Variants in UPF3B observed in about 807,000 individuals in gnomAD.
UPF3B encodes regulator of nonsense transcripts 3B.
Under a neutral mutation model 40.3 loss-of-function variants are expected in UPF3B, and 7 were observed. The observed-to-expected ratio is 0.17, with a 90% CI of 0.10 to 0.33. The LOEUF (loss-of-function observed/expected upper bound fraction) is 0.33, where lower values mean the gene tolerates loss of function less well. Among genes scored for constraint, UPF3B ranks in the 10% least tolerant of loss-of-function variants. UPF3B has a pLI of 1.00. For missense variants in UPF3B, 229 were observed against 358.9 expected (o/e 0.64, Z 2.93); for synonymous variants, 117 against 117.3 (o/e 1.00, Z 0.01).
chrX:119,852,681 T>C, intron 1 of UPF3B, 92 bp downstream of exon 1: 5 of 1,162,649 alleles, frequency 4.3e-6, no homozygotes, highest in Non-Finnish European at 5.8e-6. Flanking sequence ...AAGGAGAACC[T>C]GAGAAAGAAA....
At chrX:119,823,578 G>A (rs866170520) in intron 3 of UPF3B, among the ~76,000 whole-genome samples, 3 of 27,163 alleles carry the variant, frequency 1.1e-4, no homozygotes, top group African/African-American at 5.0e-4. Flanking sequence ...TTTTTTTTTT[G>A]TCTGAGACAG....
chrX:119,830,057 T>C, downstream of UPF3B, among the ~76,000 whole-genome samples: 1 of 111,878 alleles, frequency 8.9e-6, no homozygotes, highest in East Asian at 2.8e-4. Flanking sequence ...TGGTGGCTCT[T>C]CTACATGCCT....
chrX:119,810,311 C>T (rs750019648), intron 5 of UPF3B, among the ~76,000 whole-genome samples: 1 of 112,131 alleles, frequency 8.9e-6, no homozygotes, highest in African/African-American at 3.2e-5. Flanking sequence ...CAGTTTTTGC[C>T]ATTGAAAGAC....
chrX:119,834,439 T>C lies in UPF3B; in HGVS notation c.*439A>G, dbSNP rs17261236. On this transcript the variant is annotated 3_prime_UTR_variant, in exon 11 of 11. Coordinates refer to ENST00000276201, the MANE Select transcript of UPF3B (RefSeq NM_080632.3). ...CTACACTACCCAATGTCAACACTTA[T>C]CATCAACAATACAATAGAATTAGAT... 29,602 of 817,366 alleles carry C rather than the reference T, an allele frequency of 0.036. 417 individuals are homozygous for C. Among genetic ancestry groups the C allele is most frequent in the Non-Finnish European group, 0.04 (27,314 of 680,273 alleles). The allele number at this position is 817,366 out of a possible 1,213,427, so 67.4% of individuals were successfully genotyped here. A position where few individuals can be genotyped will look rare whatever the true frequency, so the allele number is the denominator to read the frequency against.
intron 4 of UPF3B, among the ~76,000 whole-genome samples, chrX:119,822,010 A>T (rs1265048423): frequency 8.9e-6 from 1 of 111,771 alleles, no homozygotes; most frequent in African/African-American, 3.3e-5. Flanking sequence ...GATAAAACAA[A>T]CTAGATTGTC....
At chrX:119,820,616 A>G (rs1456655240) in intron 4 of UPF3B, among the ~76,000 whole-genome samples, 1 of 102,026 alleles carries the variant, frequency 9.8e-6, no homozygotes, top group Non-Finnish European at 2.0e-5. Context: ...CGCTCCACCA[A>G]GCCTGGCCAA....
exon 6 of UPF3B, chrX:119,807,509 T>A: frequency 1.1e-6 from 1 of 875,347 alleles, no homozygotes; most frequent in Non-Finnish European, 1.4e-6. Context: ...TCCAGATTGG[T>A]GCTGCCATCT....
exon 6 of UPF3B, chrX:119,807,489 C>A: frequency 1.1e-6 from 1 of 884,795 alleles, no homozygotes; most frequent in Non-Finnish European, 1.4e-6. Flanking sequence ...TTTCTTTCTA[C>A]TGCTGAATCT....
chrX:119,842,629 CAG>C (rs1556380064), intron 5 of UPF3B, among the ~76,000 whole-genome samples: 40 of 107,241 alleles, frequency 3.7e-4, no homozygotes, highest in Admixed American at 1.7e-3. Flanking sequence ...CACACACACA[CAG>C]AGAGAGAGCG....
At chrX:119,851,664 C>T (rs2147802433) in intron 2 of UPF3B, 63 bp from the exon 3 acceptor site, 1 of 974,888 alleles carries the variant, frequency 1.0e-6, no homozygotes, top group Non-Finnish European at 1.4e-6. Flanking sequence ...TACAAGTATG[C>T]ATATATTAAA....
chrX:119,807,453 T>C (rs1382395898), intron 6 of UPF3B: 23 of 888,985 alleles, frequency 2.6e-5, no homozygotes, highest in Non-Finnish European at 3.3e-5. Flanking sequence ...CCTCCTTCTT[T>C]TCTATGGTTA....
chrX:119,826,974 T>A (rs984277364), intron 3 of UPF3B, among the ~76,000 whole-genome samples: 1 of 112,111 alleles, frequency 8.9e-6, no homozygotes, highest in African/African-American at 3.2e-5. Context: ...TAACATCTGC[T>A]TATTATGAGA....
rs2056067202 is a variant in UPF3B at position 119,834,251 on chromosome X, T to C, written c.*627A>G. ...GATGACAAAACACGAAGTTTAAAAA[T>C]ATTCTTTACGCTAAGCTCATATAAG... On this transcript the variant is annotated 3_prime_UTR_variant, in exon 11 of 11. Transcript: ENST00000276201. 1.3e-6 allele frequency: 1 copy of C among 754,737 alleles called. No individual in the cohort carries two copies. Among genetic ancestry groups the C allele is most frequent in the Non-Finnish European group, 1.6e-6 (1 of 639,424 alleles). The allele number at this position is 754,737 out of a possible 1,213,427, so 62.2% of individuals were successfully genotyped here. A position where few individuals can be genotyped will look rare whatever the true frequency, so the allele number is the denominator to read the frequency against.
At chrX:119,837,261 A>G (rs1274947911) in intron 10 of UPF3B, among the ~76,000 whole-genome samples, 1 of 109,275 alleles carries the variant, frequency 9.2e-6, no homozygotes, top group Non-Finnish European at 1.9e-5. Context: ...ACTATTCTCT[A>G]TTCTACTTTT....
chrX:119,805,626 C>T (rs1191188195), intron 6 of UPF3B, among the ~76,000 whole-genome samples: 2 of 109,807 alleles, frequency 1.8e-5, no homozygotes, highest in Non-Finnish European at 3.8e-5. Context: ...ACAATGACCT[C>T]AAATAAATTT....
Position 119,834,295 on chromosome X carries a change from T to C in UPF3B, c.*583A>G. Reference sequence around the variant, plus strand: ...ATATAAGCAAACAAAAAACTAAAACTAATCCTAAAACTTTAGGACACTGGA... The same window carrying C: ...ATATAAGCAAACAAAAAACTAAAACCAATCCTAAAACTTTAGGACACTGGA... On this transcript the variant is annotated 3_prime_UTR_variant, in exon 11 of 11. Transcript: ENST00000276201. 1.3e-6 allele frequency: 1 copy of C among 755,674 alleles called. No homozygotes were observed. Among genetic ancestry groups the C allele is most frequent in the African/African-American group, 2.3e-5 (1 of 43,906 alleles). The allele number at this position is 755,674 out of a possible 1,213,427, so 62.3% of individuals were successfully genotyped here. A position where few individuals can be genotyped will look rare whatever the true frequency, so the allele number is the denominator to read the frequency against.
chrX:119,816,135 C>G (rs113605639), intron 4 of UPF3B, among the ~76,000 whole-genome samples: 8 of 111,213 alleles, frequency 7.2e-5, no homozygotes, highest in Non-Finnish European at 1.9e-5. Flanking sequence ...TCCTCACCCC[C>G]CTTGCCTGCA....
intron 8 of UPF3B, among the ~76,000 whole-genome samples, chrX:119,838,921 GCA>G (rs2056131467): frequency 9.0e-6 from 1 of 110,948 alleles, no homozygotes; most frequent in Non-Finnish European, 1.9e-5. Context: ...GACAACAGAT[GCA>G]CACCACCACA....
At chrX:119,814,873 T>A in intron 5 of UPF3B, among the ~76,000 whole-genome samples, 1 of 85,721 alleles carries the variant, frequency 1.2e-5, no homozygotes, top group Non-Finnish European at 2.1e-5. Context: ...TTTTTTTTTT[T>A]TTTTTTTTTT....
Sources: gnomAD v4.1 joint callset for allele counts (sites outside exome capture counted in the v4.1 genomes callset) on GRCh38, gnomAD v4.1.1 for gene constraint, MANE v1.5 for transcripts, NCBI Gene and HGNC (gene_info 2026-07-23, HGNC 2026-07-21) for gene names.